SV2A: variants seen among roughly 807,000 people sequenced by gnomAD.
The protein encoded by SV2A is synaptic vesicle glycoprotein 2A, also known as solute carrier family 22 member B1.
A neutral mutation model predicts 78.0 loss-of-function variants in SV2A; 25 were observed. The ratio of observed to expected loss-of-function variants is 0.32; its 90% confidence interval spans 0.23 to 0.45. The LOEUF (loss-of-function observed/expected upper bound fraction) is 0.45. SV2A is among the 20% of genes least tolerant of loss of function. The probability of loss-of-function intolerance (pLI) is 1.00; values close to 1 mark genes in which losing one functional copy is unlikely to be tolerated. For missense variants in SV2A, 752 were observed against 971.5 expected (o/e 0.77, Z 3.00); for synonymous variants, 355 against 384.7 (o/e 0.92, Z 0.90).
rs2092440382 is a variant in SV2A, at chr1:149,906,725, C to T, written c.1810G>A (p.Gly604Arg). 1 of 1,614,230 alleles carries T rather than the reference C, an allele frequency of 6.2e-7. No homozygotes were observed. Among genetic ancestry groups the T allele is most frequent in the Non-Finnish European group, 8.5e-7 (1 of 1,180,046 alleles). Residue 604 changes from glycine (G) to arginine (R), a missense_variant, in exon 11 of 13, where the codon GGG becomes AGG. Around this residue, in one of 7 missense-constraint regions of SV2A, gnomAD observed 186 missense variants for 274.6 expected, o/e 0.68. Transcript: ENST00000369146. ...AYMVYFVSFL[G>R]TLAVLPGNIV... ...TTCCCAGGAAGCACTGCCAGTGTCC[C>T]CAGGAAGCTCACAAAGTATACCATG...
At chr1:149,911,033 G>T in intron 3 of SV2A, 56 bp from the exon 4 acceptor site, 2 of 1,576,896 alleles carry the variant, frequency 1.3e-6, no homozygotes, top group Non-Finnish European at 1.7e-6. Context: ...CTGATCCCCT[G>T]CCCCACTGCT....
intron 1 of SV2A, among the ~76,000 whole-genome samples, chr1:149,916,747 T>C (rs782093583): frequency 5.3e-5 from 8 of 152,136 alleles, no homozygotes; most frequent in Non-Finnish European, 1.0e-4. Context: ...GGGGGTAGAA[T>C]GTGGGAGGTG....
At position 149,913,807 on chromosome 1, in the gene SV2A, T is replaced by C. The variant is rs149833121; in HGVS notation, c.34A>G (p.Ile12Val). The C allele has an allele frequency of 1.9e-6, 3 of 1,612,208 alleles. No individual in the cohort carries two copies. Among genetic ancestry groups the C allele is most frequent in the African/African-American group, 2.7e-5 (2 of 74,992 alleles). The change falls in exon 2 of 13, where the codon ATC (isoleucine) becomes GTC (valine). Residue 12 changes from isoleucine to valine, a missense_variant. By Grantham distance (29) the Ile-to-Val change is conservative (BLOSUM62 3). Around this residue, in one of 7 missense-constraint regions of SV2A, gnomAD observed 291 missense variants for 359.5 expected, o/e 0.81. Transcript: ENST00000369146. Reference protein sequence around the residue: ...EEGFRDRAAFIRGAKDIAKEV... With the variant: ...EEGFRDRAAFVRGAKDIAKEV... ...TTAGCAATGTCTTTGGCCCCACGGA[T>C]GAAAGCTGCCCGGTCTCGGAAGCCC...
At chr1:149,909,338 T>C in intron 7 of SV2A, 58 bp from the exon 8 acceptor site, 1 of 1,589,298 alleles carries the variant, frequency 6.3e-7, no homozygotes, top group Non-Finnish European at 8.6e-7. Flanking sequence ...CACCCATAGA[T>C]CCCCACTTTT....
In SV2A at chr1:149,909,907, A is replaced by G; in HGVS notation, c.1090-17T>C. The G allele has an allele frequency of 6.2e-7, 1 of 1,613,246 alleles. No homozygotes were observed. The highest frequency in any genetic ancestry group is 8.5e-7 in the Non-Finnish European group (1 of 1,179,450). ...CTTTCCATTCTAGAGCCAAAGACAC[A>G]ATCCCCACATCCAAGTCAGCCCCTA... On this transcript the variant is annotated splice_polypyrimidine_tract_variant and intron_variant, in intron 5 of 12. Transcript: ENST00000369146.
At chr1:149,909,991 T>A in intron 5 of SV2A, 101 bp from the exon 6 acceptor site, 1 of 1,111,020 alleles carries the variant, frequency 9.0e-7, no homozygotes. Context: ...CACAGGACAC[T>A]AAATGGTTCC....
intron 9 of SV2A, 62 bp downstream of exon 9, chr1:149,907,980 C>T: frequency 6.3e-7 from 1 of 1,591,616 alleles, no homozygotes; most frequent in African/African-American, 1.3e-5. Flanking sequence ...AACCCCTAGA[C>T]TCATAAAAGA....
In SV2A at chr1:149,913,654, C is replaced by T; in HGVS notation, c.187G>A (p.Asp63Asn). 6.2e-7 allele frequency: 1 copy of T among 1,614,182 alleles called. No homozygotes were observed. The highest frequency in any genetic ancestry group is 8.5e-7 in the Non-Finnish European group (1 of 1,180,032). ...DDDDDFPAPS[D>N]GYYRGEGTQD... ...GTCCCTTCTCCTCGGTAATAACCAT[C>T]ACTGGGAGCAGGGAAGTCATCATCA... The change falls in exon 2 of 13, where the codon GAT (aspartate) becomes AAT (asparagine). Residue 63 changes from aspartate to asparagine, a missense_variant. By Grantham distance (23) the Asp-to-Asn change is conservative. Coordinates refer to ENST00000369146, the MANE Select transcript of SV2A (RefSeq NM_014849.5).
rs1553764125 is a variant in SV2A, at chr1:149,913,564, TCTC to T, written c.274_276del (p.Glu92del). ...ATGCCCTGATATTCCCCTTCATAGATCTCATCATCCTCGTCATGGCCCTCAGTA... is the reference window on the plus strand; with the variant it reads ...ATGCCCTGATATTCCCCTTCATAGATATCATCCTCGTCATGGCCCTCAGTA... On this transcript the variant is annotated inframe_deletion, in exon 2 of 13. Coordinates refer to ENST00000369146, the MANE Select transcript of SV2A (RefSeq NM_014849.5). The T allele has an allele frequency of 6.2e-7, 1 of 1,613,536 alleles. No individual in the cohort carries two copies. The highest frequency in any genetic ancestry group is 1.1e-5 in the South Asian group (1 of 91,062).
chr1:149,907,549 T>C (rs970341962), intron 10 of SV2A, 151 bp downstream of exon 10: 1 of 817,412 alleles, frequency 1.2e-6, no homozygotes, highest in Non-Finnish European at 1.8e-6. Context: ...TTCAGAATTA[T>C]TGGTGGTAGC....
chr1:149,913,293 A>C lies in SV2A; in HGVS notation c.548T>G (p.Val183Gly). 6.2e-7 allele frequency: 1 copy of C among 1,614,024 alleles called. No homozygotes were observed. Among genetic ancestry groups the C allele is most frequent in the African/African-American group, 1.3e-5 (1 of 74,982 alleles). Residue 183 changes from valine (V) to glycine (G), a missense_variant, in exon 2 of 13, where the codon GTC (valine) becomes GGC (glycine). Transcript: ENST00000369146. Reference protein sequence around the residue: ...GLALMADGVEVFVVGFVLPSA... With the variant: ...GLALMADGVEGFVVGFVLPSA... ...GGGCAGCACGAAGCCCACCACAAAG[A>C]CCTCCACACCGTCAGCCATCAGCGC...
chr1:149,914,032 G>T lies in SV2A; in HGVS notation c.-192C>A. ...TGAGTGCCTAGGAAGGAAAAGGAAG[G>T]AGAGGAGCTTTGACCTATACCCAGT... On this transcript the variant is annotated 5_prime_UTR_variant, in exon 2 of 13. Transcript: ENST00000369146. The T allele has an allele frequency of 1.2e-6, 1 of 823,216 alleles. No individual in the cohort carries two copies. 51.0% of individuals were successfully genotyped at this position (823,216 alleles called of 1,614,324 possible).
At position 149,909,467 on chromosome 1, in the gene SV2A, C is replaced by G. The variant is rs1174978977; in HGVS notation, c.1284G>C (p.Gly428=). 3.1e-6 allele frequency: 5 copies of G among 1,613,524 alleles called. No individual in the cohort carries two copies. In the African/African-American group the frequency reaches 5.3e-5, roughly 17 times the overall value. Residue 428 remains glycine (G), a synonymous_variant, in exon 7 of 13, where the codon GGG becomes GGC. Coordinates refer to ENST00000369146, the MANE Select transcript of SV2A (RefSeq NM_014849.5). ...QRWGVRALSL[G]GQVWGNFLSC... is the part of the protein sequence containing the mutation. ...CCACCCCGTCCACCATTACCTGCCC[C>G]CCTAGGCTCAAGGCCCGGACCCCCC...
Position 149,906,825 on chromosome 1 carries a change from A to G in SV2A, c.1710T>C (p.Arg570=). Residue 570 remains arginine (R), a synonymous_variant, in exon 11 of 13, where the codon CGT becomes CGC. Coordinates refer to ENST00000369146, the MANE Select transcript of SV2A (RefSeq NM_014849.5). ...TGTGCAGGAATGTACTGTTTATCAG[A>G]CGGCTGTTCACAAACTTGTACTCGA... ...DLFEYKFVNS[R]LINSTFLHNK... 3 of 1,614,208 alleles carry G rather than the reference A, an allele frequency of 1.9e-6. No homozygotes were observed. The highest frequency in any genetic ancestry group is 2.5e-6 in the Non-Finnish European group (3 of 1,180,044).
chr1:149,917,445 C>G (rs781859952), intron 1 of SV2A, among the ~76,000 whole-genome samples: 2 of 152,108 alleles, frequency 1.3e-5, no homozygotes, highest in Non-Finnish European at 1.5e-5. Context: ...CCCACCACCA[C>G]GTTAATCTCC....
chr1:149,910,528 A>G lies in SV2A; in HGVS notation c.1089+42T>C. The G allele has an allele frequency of 6.5e-7, 1 of 1,545,866 alleles. No homozygotes were observed. Among genetic ancestry groups the G allele is most frequent in the Non-Finnish European group, 8.7e-7 (1 of 1,149,158 alleles). ...GCCCCTGCTGCCGTCCACACTCCAC[A>G]GCCCGCACCCCACCCCACCCCATGC... is the stretch of plus-strand genomic sequence containing the variant. On this transcript the variant is annotated intron_variant, in intron 5 of 12. Transcript: ENST00000369146. This position sits in a 1 kb window ranked among gnomAD's most constrained non-coding sequence, Gnocchi z 4.2.
At position 149,908,118 on chromosome 1, in the gene SV2A, C is replaced by T. The variant is rs782568365; in HGVS notation, c.1468G>A (p.Glu490Lys). Residue 490 changes from glutamate to lysine, a missense_variant, in exon 9 of 13, where the codon GAG becomes AAG. Coordinates refer to ENST00000369146, the MANE Select transcript of SV2A (RefSeq NM_014849.5). ...YASRTKVFPG[E>K]RVEHVTFNFT... ...TTAAAAGTTACATGCTCTACGCGCT[C>T]CCCGGGGAACACTTTGGTGCGGGAT... 6.2e-7 allele frequency: 1 copy of T among 1,614,184 alleles called. No individual in the cohort carries two copies. Among genetic ancestry groups the T allele is most frequent in the Non-Finnish European group, 8.5e-7 (1 of 1,180,030 alleles).
intron 1 of SV2A, among the ~76,000 whole-genome samples, chr1:149,916,163 G>C (rs587606479): frequency 6.6e-6 from 1 of 152,132 alleles, no homozygotes; most frequent in East Asian, 1.9e-4. Context: ...TCCTAACCAG[G>C]ATCTCCCCTC....
chr1:149,917,375 G>A (rs921998731), intron 1 of SV2A, among the ~76,000 whole-genome samples: 2 of 152,076 alleles, frequency 1.3e-5, no homozygotes, highest in Non-Finnish European at 2.9e-5. Flanking sequence ...CCTGGGGGTG[G>A]GGGGACGTCA....
Sources: gnomAD v4.1 joint callset for allele counts (sites outside exome capture counted in the v4.1 genomes callset) on GRCh38, gnomAD v4.1.1 for gene constraint, gnomAD v4.1.1 regional missense constraint, Gnocchi (gnomAD v3.1) non-coding constraint, MANE v1.5 for transcripts, NCBI Gene and HGNC (gene_info 2026-07-23, HGNC 2026-07-21) for gene names.